The following EPB41L4B variants were observed in gnomAD, a reference collection of about 807,000 sequenced individuals.
EPB41L4B encodes the protein erythrocyte membrane protein band 4.1 like 4B, also known as band 4.1-like protein 4B.
EPB41L4B carries 30 observed loss-of-function variants against 112.5 expected under a neutral mutation model. The ratio of observed to expected loss-of-function variants is 0.27; its 90% CI spans 0.20 to 0.36. The LOEUF (loss-of-function observed/expected upper bound fraction) is 0.36, where lower values mean the gene tolerates loss of function less well. Among genes scored for constraint, EPB41L4B ranks in the 10% least tolerant of loss-of-function variants. The pLI is 1.00. For missense variants in EPB41L4B, 1,024 were observed against 1,133.3 expected (o/e 0.90, Z 1.38); for synonymous variants, 408 against 439.7 (o/e 0.93, Z 0.90).
At chr9:109,175,355 T>C (rs1220414427) in intron 25 of EPB41L4B, among the ~76,000 whole-genome samples, 1 of 152,196 alleles carries the variant, frequency 6.6e-6, no homozygotes, top group Non-Finnish European at 1.5e-5. Context: ...TAATTAATTA[T>C]ATTTTAATGA....
chr9:109,312,566 TAG>T (rs1837457717), intron 1 of EPB41L4B, among the ~76,000 whole-genome samples: 1 of 152,116 alleles, frequency 6.6e-6, no homozygotes, highest in Admixed American at 6.5e-5. Flanking sequence ...CAAATCAAGC[TAG>T]AGTCTGCCTT....
At chr9:109,318,347 C>A (rs1837713026) in intron 1 of EPB41L4B, among the ~76,000 whole-genome samples, 1 of 152,134 alleles carries the variant, frequency 6.6e-6, no homozygotes, top group Non-Finnish European at 1.5e-5. Flanking sequence ...CACCAGGCTC[C>A]AGTGAGGGCT....
In EPB41L4B at chr9:109,255,654, C is replaced by T; in HGVS notation, c.1026G>A (p.Val342=). The T allele has an allele frequency of 6.2e-7, 1 of 1,613,428 alleles. No individual in the cohort carries two copies. The highest frequency in any genetic ancestry group is 8.5e-7 in the Non-Finnish European group (1 of 1,179,384). Reference sequence around the variant, plus strand: ...AGGTCCTGGCACTGTCTAACCGGAACACAAACGTGTGCTCTTGCTCACGTC... The same window carrying T: ...AGGTCCTGGCACTGTCTAACCGGAATACAAACGTGTGCTCTTGCTCACGTC... The part of the protein sequence containing the change: ...DQGREQEHTF[V]FRLDSARTCK... Residue 342 remains valine (V), a synonymous_variant, in exon 11 of 26, where the codon GTG becomes GTA. Transcript: ENST00000374566.
At chr9:109,302,847 AC>A (rs775866743) in intron 1 of EPB41L4B, among the ~76,000 whole-genome samples, 11 of 152,146 alleles carry the variant, frequency 7.2e-5, no homozygotes, top group Non-Finnish European at 1.2e-4. Flanking sequence ...CATGAAGAGA[AC>A]CAGATGTCCC....
chr9:109,175,511 ACAGAGTAAATACACATC>A, intron 25 of EPB41L4B, among the ~76,000 whole-genome samples: 1 of 145,142 alleles, frequency 6.9e-6, no homozygotes, highest in African/African-American at 2.7e-5. Flanking sequence ...ACACACACAC[ACAGAGTAAATACACATC>A]TTTTCATTGT....
At chr9:109,287,083 C>A (rs1836316165) in intron 1 of EPB41L4B, among the ~76,000 whole-genome samples, 1 of 152,236 alleles carries the variant, frequency 6.6e-6, no homozygotes, top group South Asian at 2.1e-4. Flanking sequence ...AATAACCCAG[C>A]TCATTAAAAT....
In EPB41L4B at chr9:109,227,590, C is replaced by CTT. The variant is rs547681094; in HGVS notation, c.1410-10447_1410-10446dup. Among the ~76,000 whole-genome samples the CTT allele has an allele frequency of 1.3e-3, 189 of 148,408 alleles. 1 individual carries two copies. Among genetic ancestry groups the CTT allele is most frequent in the African/African-American group, 4.4e-3 (177 of 40,576 alleles). On this transcript the variant is annotated intron_variant, in intron 15 of 25. Coordinates refer to ENST00000374566, the MANE Select transcript of EPB41L4B (RefSeq NM_019114.5). ...CTTATTAATTATTACATATCCCCCC[C>CTT]TTTTTTTTTTGAGACGGAGTCTTGC...
At chr9:109,229,463 A>C (rs1158538976) in intron 15 of EPB41L4B, among the ~76,000 whole-genome samples, 2 of 152,166 alleles carry the variant, frequency 1.3e-5, no homozygotes, top group Non-Finnish European at 2.9e-5. Flanking sequence ...CTCAGTGCAC[A>C]CGTATCAAGT....
At chr9:109,241,221 G>C in intron 15 of EPB41L4B, 1 of 986,690 alleles carries the variant, frequency 1.0e-6, no homozygotes, top group Non-Finnish European at 1.2e-6. Flanking sequence ...TGGGGAAAAT[G>C]AGGTCAATGA....
At chr9:109,240,229 GAACA>G (rs1041951886) in intron 15 of EPB41L4B, 2 of 985,364 alleles carry the variant, frequency 2.0e-6, no homozygotes, top group Admixed American at 6.1e-5. Flanking sequence ...AAAAGATTCA[GAACA>G]CATTTATTTG....
intron 1 of EPB41L4B, chr9:109,300,820 T>A (rs1052286458): frequency 6.6e-6 from 1 of 151,868 alleles, no homozygotes; most frequent in African/African-American, 2.4e-5. Flanking sequence ...AATAAAAAAA[T>A]CAATACAAAT....
chr9:109,258,423 T>A, intron 6 of EPB41L4B, 126 bp from the exon 7 acceptor site: 1 of 983,106 alleles, frequency 1.0e-6, no homozygotes, highest in Non-Finnish European at 1.5e-6. Flanking sequence ...TATAACTCTC[T>A]CCTTTCGGGA....
At chr9:109,300,621 A>C (rs1299164718) in intron 1 of EPB41L4B, 1 of 152,056 alleles carries the variant, frequency 6.6e-6, no homozygotes, top group Non-Finnish European at 1.5e-5. Context: ...CCCTGTCCCT[A>C]CTAAAAATAT....
Position 109,198,628 on chromosome 9 carries a change from C to T in EPB41L4B, c.2045+1608G>A, listed in dbSNP as rs193260050. On this transcript the variant is annotated intron_variant, in intron 20 of 25. Transcript: ENST00000374566. ...AGGTCAAGAAATGGGAACTACAAGC[C>T]GGGCACGGTGGCTCATGCCTGTAAT... Among the ~76,000 whole-genome samples the T allele has an allele frequency of 2.3e-3, 354 of 152,248 alleles. 1 individual carries two copies. Among genetic ancestry groups the T allele is most frequent in the Non-Finnish European group, 3.9e-3 (267 of 67,996 alleles).
chr9:109,172,696 C>T lies in EPB41L4B; in HGVS notation c.*1858G>A, dbSNP rs1394794518. ...CTCCAGTATACTCTGTTTACTAAGG[C>T]AGGGAAGTGCGTAATACATTTTAGA... is the stretch of plus-strand genomic sequence containing the variant. On this transcript the variant is annotated 3_prime_UTR_variant, in exon 26 of 26. Transcript: ENST00000374566. The T allele has an allele frequency of 6.6e-6, 1 of 152,256 alleles. No individual in the cohort carries two copies. Among genetic ancestry groups the T allele is most frequent in the Non-Finnish European group, 1.5e-5 (1 of 68,012 alleles). 9.4% of individuals were successfully genotyped at this position (152,256 alleles called of 1,614,324 possible).
chr9:109,320,092 C>T, intron 1 of EPB41L4B, 49 bp downstream of exon 1: 8 of 1,368,714 alleles, frequency 5.8e-6, no homozygotes, highest in Non-Finnish European at 6.6e-6. Context: ...GGGGGAGCTG[C>T]CTCCAGGGGC....
intron 1 of EPB41L4B, among the ~76,000 whole-genome samples, chr9:109,288,513 G>A (rs1045113224): frequency 6.6e-6 from 1 of 151,946 alleles, no homozygotes; most frequent in Non-Finnish European, 1.5e-5. Context: ...AAGGTCAGGA[G>A]ATCAAGACCA....
In EPB41L4B at chr9:109,216,914, C is replaced by G; in HGVS notation, c.1633+8G>C. On this transcript the variant is annotated splice_region_variant and intron_variant, in intron 16 of 25. Transcript: ENST00000374566. The stretch of plus-strand genomic sequence containing the variant: ...TTCTCCTGCCTTGCCCCCTCCACCC[C>G]TACTCACTTGTAAGGGACTTGCTGC... The G allele has an allele frequency of 6.2e-7, 1 of 1,613,542 alleles. No individual in the cohort carries two copies. Among genetic ancestry groups the G allele is most frequent in the Non-Finnish European group, 8.5e-7 (1 of 1,179,480 alleles).
At position 109,253,524 on chromosome 9, in the gene EPB41L4B, T is replaced by A; in HGVS notation, c.1196A>T (p.His399Leu). Residue 399 changes from histidine (H) to leucine (L), a missense_variant, in exon 12 of 26, where the codon CAT becomes CTT. Transcript: ENST00000374566. Reference protein sequence around the residue: ...FSGRTEYQATHGSRLRRTSTF... With the variant: ...FSGRTEYQATLGSRLRRTSTF... ...GCTGGTTCTTCGTAACCTGGAGCCATGTGTAGCTTGATATTCTGTCCGCCC... is the reference window on the plus strand; with the variant it reads ...GCTGGTTCTTCGTAACCTGGAGCCAAGTGTAGCTTGATATTCTGTCCGCCC... 2 of 1,613,576 alleles carry A rather than the reference T, an allele frequency of 1.2e-6. No individual in the cohort carries two copies. The highest frequency in any genetic ancestry group is 1.7e-6 in the Non-Finnish European group (2 of 1,179,532).
Sources: allele counts gnomAD v4.1 joint callset (sites outside exome capture counted in the v4.1 genomes callset), GRCh38; gene constraint gnomAD v4.1.1; transcripts MANE v1.5; gene names NCBI Gene and HGNC (gene_info 2026-07-23, HGNC 2026-07-21).